ZC3H4: variants seen among roughly 807,000 people sequenced by gnomAD.
ZC3H4 encodes zinc finger CCCH-type containing 4.
A neutral mutation model predicts 108.3 loss-of-function variants in ZC3H4; 13 were observed. The observed-to-expected ratio is 0.12, with a 90% CI of 0.08 to 0.19. The LOEUF (loss-of-function observed/expected upper bound fraction) is 0.19, where lower values mean the gene tolerates loss of function less well. ZC3H4 is among the 10% of genes least tolerant of loss of function. ZC3H4 has a pLI of 1.00. For synonymous variants in ZC3H4, 917 were observed against 749.6 expected, an observed-to-expected ratio of 1.22 and a Z score of -3.65; for missense variants, 1,734 against 1,838.8, an observed-to-expected ratio of 0.94 and a Z score of 1.04.
At chr19:47,105,037 G>C (rs116786969) in intron 2 of ZC3H4, among the ~76,000 whole-genome samples, 2 of 152,152 alleles carry the variant, frequency 1.3e-5, no homozygotes, top group African/African-American at 2.4e-5. Flanking sequence ...TTCACTGAAA[G>C]GAGTGGAACG....
chr19:47,103,289 T>C (rs1014226954), intron 2 of ZC3H4, among the ~76,000 whole-genome samples: 8 of 152,186 alleles, frequency 5.3e-5, no homozygotes, highest in Non-Finnish European at 8.8e-5. Flanking sequence ...CTAAGACTTC[T>C]CTTTGTTTAT....
At chr19:47,081,233 C>A (rs1284860372) in intron 11 of ZC3H4, among the ~76,000 whole-genome samples, 1 of 152,178 alleles carries the variant, frequency 6.6e-6, no homozygotes, top group African/African-American at 2.4e-5. Context: ...CCTAAGAGAT[C>A]ACGATTCATG....
chr19:47,068,186 C>G (rs2057254197), intron 14 of ZC3H4, among the ~76,000 whole-genome samples: 1 of 152,218 alleles, frequency 6.6e-6, no homozygotes, highest in African/African-American at 2.4e-5. Flanking sequence ...AAAACAGAAG[C>G]ACAGTGCCGT....
intron 11 of ZC3H4, 94 bp downstream of exon 11, chr19:47,081,419 G>T: frequency 1.0e-6 from 1 of 982,052 alleles, no homozygotes; most frequent in Non-Finnish European, 1.6e-6. Context: ...ACTGGGCACT[G>T]CAGAGGCTGG....
chr19:47,076,324 C>T (rs4804022), intron 11 of ZC3H4, among the ~76,000 whole-genome samples: 81,113 of 140,044 alleles, frequency 0.58, 24,880 homozygotes, highest in Non-Finnish European at 0.71. Context: ...TGCGCGCGCG[C>T]GCACACACAC....
intron 11 of ZC3H4, among the ~76,000 whole-genome samples, chr19:47,081,235 C>G (rs994373919): frequency 1.3e-5 from 2 of 152,202 alleles, no homozygotes. Flanking sequence ...TAAGAGATCA[C>G]GATTCATGCT....
chr19:47,105,469 G>A (rs1428191978), intron 2 of ZC3H4, among the ~76,000 whole-genome samples: 2 of 152,168 alleles, frequency 1.3e-5, no homozygotes, highest in African/African-American at 2.4e-5. Context: ...AGCATGTGGT[G>A]TGCGCCTGTA....
intron 6 of ZC3H4, among the ~76,000 whole-genome samples, chr19:47,085,903 G>A (rs1414033625): frequency 6.6e-6 from 1 of 152,000 alleles, no homozygotes; most frequent in Non-Finnish European, 1.5e-5. Context: ...TTGCTCTGTC[G>A]CCTAGGCTGG....
chr19:47,093,575 G>A (rs2057773146), intron 4 of ZC3H4, among the ~76,000 whole-genome samples: 1 of 152,058 alleles, frequency 6.6e-6, no homozygotes, highest in South Asian at 2.1e-4. Context: ...TCAGAGAGCT[G>A]GGCAACCCTG....
chr19:47,081,470 C>T (rs2057521003), intron 11 of ZC3H4, 43 bp downstream of exon 11: 1 of 1,503,338 alleles, frequency 6.7e-7, no homozygotes, highest in Non-Finnish European at 9.3e-7. Flanking sequence ...GTGCGCATGT[C>T]CCAGTTCCTG....
intron 14 of ZC3H4, among the ~76,000 whole-genome samples, chr19:47,068,679 T>G (rs1476929994): frequency 6.6e-6 from 1 of 152,196 alleles, no homozygotes; most frequent in Non-Finnish European, 1.5e-5. Flanking sequence ...CAACTGAGAC[T>G]CGGTGGCTCG....
intron 5 of ZC3H4, among the ~76,000 whole-genome samples, chr19:47,087,740 G>A (rs953702967): frequency 1.3e-5 from 2 of 152,130 alleles, no homozygotes; most frequent in Non-Finnish European, 2.9e-5. Flanking sequence ...CAGGCATGGT[G>A]GTGCAGGCCT....
At position 47,072,109 on chromosome 19, in the gene ZC3H4, G is replaced by A. The variant is rs672751; in HGVS notation, c.1815C>T (p.Pro605=). The A allele has an allele frequency of 5.7e-5, 88 of 1,538,624 alleles. No individual in the cohort carries two copies. Among genetic ancestry groups the A allele is most frequent in the South Asian group, 2.5e-4 (20 of 80,582 alleles). ...AEKLGVRFPG[P]GGPPGPMGPG... is the part of the protein sequence containing the mutation. ...GGCCCATTGGCCCTGGGGGTCCACC[G>A]GGTCCAGGGAACCTAGAAGAGGGAA... Residue 605 remains proline (P), a synonymous_variant, in exon 13 of 15, where the codon CCC becomes CCT. Transcript: ENST00000253048. The surrounding 1 kb of genome is among the most constrained non-coding windows in gnomAD (Gnocchi z 5.6).
intron 13 of ZC3H4, among the ~76,000 whole-genome samples, chr19:47,071,382 G>A (rs369509092): frequency 5.3e-5 from 8 of 152,242 alleles, no homozygotes; most frequent in African/African-American, 1.2e-4. Context: ...CACAGAACCC[G>A]CAGAGTCCTG....
At chr19:47,103,374 G>A (rs1189178452) in intron 2 of ZC3H4, among the ~76,000 whole-genome samples, 1 of 152,086 alleles carries the variant, frequency 6.6e-6, no homozygotes, top group Non-Finnish European at 1.5e-5. Flanking sequence ...GTGATCATTG[G>A]TTCAATGCAG....
At chr19:47,111,087 G>A in intron 2 of ZC3H4, 1 of 174,530 alleles carries the variant, frequency 5.7e-6, no homozygotes, top group Non-Finnish European at 1.1e-5. Context: ...AGCCAGGGCT[G>A]CGACGGAGTA....
Position 47,067,926 on chromosome 19 carries a change from C to T in ZC3H4, c.2399-57G>A. 1.3e-6 allele frequency: 2 copies of T among 1,500,318 alleles called. No individual in the cohort carries two copies. The highest frequency in any genetic ancestry group is 1.2e-5 in the South Asian group (1 of 83,020). 92.9% of individuals were successfully genotyped at this position (1,500,318 alleles called of 1,614,324 possible). On this transcript the variant is annotated intron_variant, in intron 14 of 14. Transcript: ENST00000253048. This position sits in a 1 kb window ranked among gnomAD's most constrained non-coding sequence, Gnocchi z 6.4. ...AGTGGGCGCATCCACCACCCGCCCT[C>T]TTGGATCCCACAGCAGCCCACCGTG...
Position 47,112,597 on chromosome 19 carries a change from G to T in ZC3H4, c.-5-8C>A, listed in dbSNP as rs1185398708. On this transcript the variant is annotated splice_region_variant and splice_polypyrimidine_tract_variant and intron_variant, in intron 1 of 14. Coordinates refer to ENST00000253048, the MANE Select transcript of ZC3H4 (RefSeq NM_015168.2). ...GCGCGGCCTCCATAGTTCCTTTGGG[G>T]GGGAGGGGATGTTAATGCACGAAAA... The T allele has an allele frequency of 5.0e-6, 6 of 1,207,088 alleles. No individual in the cohort carries two copies. Among genetic ancestry groups the T allele is most frequent in the Non-Finnish European group, 6.2e-6 (6 of 963,370 alleles). 74.8% of individuals were successfully genotyped at this position (1,207,088 alleles called of 1,614,324 possible).
chr19:47,109,073 G>A (rs796412355), intron 2 of ZC3H4, among the ~76,000 whole-genome samples: 2 of 151,998 alleles, frequency 1.3e-5, no homozygotes, highest in African/African-American at 4.8e-5. Flanking sequence ...ATTAAATCAG[G>A]GATTCTGAGT....
Sources: allele counts gnomAD v4.1 joint callset (sites outside exome capture counted in the v4.1 genomes callset), GRCh38; gene constraint gnomAD v4.1.1; non-coding constraint Gnocchi (gnomAD v3.1); transcripts MANE v1.5; gene names NCBI Gene and HGNC (gene_info 2026-07-23, HGNC 2026-07-21).